Variants in GALNTL6 observed in about 807,000 individuals in gnomAD.
GALNTL6 encodes polypeptide N-acetylgalactosaminyltransferase like 6.
A neutral mutation model predicts 73.7 loss-of-function variants in GALNTL6; 46 were observed. The observed-to-expected ratio is 0.62, with a 90% confidence interval of 0.49 to 0.80. GALNTL6 has a LOEUF of 0.80. Ranked by LOEUF, GALNTL6 falls within the 30% of genes least tolerant of loss-of-function variation. The pLI is 0.00. For synonymous variants in GALNTL6, 259 were observed against 263.7 expected (o/e 0.98, Z 0.17); for missense variants, 604 against 755.0 (o/e 0.80, Z 2.34).
chr4:172,206,650 G>A (rs1465771946), intron 2 of GALNTL6, among the ~76,000 whole-genome samples: 2 of 151,910 alleles, frequency 1.3e-5, no homozygotes, highest in Non-Finnish European at 2.9e-5. Flanking sequence ...TGAATGATGA[G>A]AAAGAGACCG....
chr4:172,042,006 C>A (rs1285586515), intron 2 of GALNTL6, among the ~76,000 whole-genome samples: 1 of 152,020 alleles, frequency 6.6e-6, no homozygotes, highest in African/African-American at 2.4e-5. Context: ...AGACTGACCT[C>A]TTGGAAAGCC....
intron 5 of GALNTL6, among the ~76,000 whole-genome samples, chr4:172,673,911 G>A (rs191589238): frequency 4.7e-4 from 71 of 152,222 alleles, no homozygotes; most frequent in African/African-American, 1.6e-3. Context: ...AATGGGTCTT[G>A]GTTCTTTAGC....
intron 5 of GALNTL6, among the ~76,000 whole-genome samples, chr4:172,724,658 A>G (rs535999350): frequency 6.6e-6 from 1 of 152,342 alleles, no homozygotes; most frequent in Non-Finnish European, 1.5e-5. Context: ...TTGTATAAAA[A>G]TTAATTAAAA....
At chr4:172,895,427 G>A (rs1309011456) in intron 8 of GALNTL6, among the ~76,000 whole-genome samples, 1 of 148,972 alleles carries the variant, frequency 6.7e-6, no homozygotes, top group Non-Finnish European at 1.5e-5. Context: ...TCAGCACTCT[G>A]AATCTATGGT....
chr4:172,831,157 C>CAAAAAAAAAAAAAAAAAAAAAAAAAAA (rs60870698), intron 7 of GALNTL6, among the ~76,000 whole-genome samples: 2 of 63,882 alleles, frequency 3.1e-5, no homozygotes, highest in Non-Finnish European at 5.6e-5. Flanking sequence ...GACTCCCTCT[C>CAAAAAAAAAAAAAAAAAAAAAAAAAAA]AAAAAAAAAA....
intron 2 of GALNTL6, among the ~76,000 whole-genome samples, chr4:171,855,607 A>C (rs1482378795): frequency 6.6e-6 from 1 of 152,210 alleles, no homozygotes; most frequent in Admixed American, 6.5e-5. Flanking sequence ...TATATATGTA[A>C]GTTTTTAACT....
chr4:172,108,204 A>C (rs1732742262), intron 2 of GALNTL6, among the ~76,000 whole-genome samples: 1 of 152,188 alleles, frequency 6.6e-6, no homozygotes, highest in Non-Finnish European at 1.5e-5. Flanking sequence ...GTGTCATTGC[A>C]ACCATCACTG....
chr4:172,150,891 GA>G, intron 2 of GALNTL6, among the ~76,000 whole-genome samples: 1 of 152,312 alleles, frequency 6.6e-6, no homozygotes, highest in East Asian at 1.9e-4. Flanking sequence ...GTTAAGAAAA[GA>G]AGTTGCAGTT....
At chr4:172,667,165 T>G (rs948158525) in intron 5 of GALNTL6, 1 of 152,284 alleles carries the variant, frequency 6.6e-6, no homozygotes, top group East Asian at 1.9e-4. Flanking sequence ...TGTGGGGTAG[T>G]GGAGCGACTC....
At chr4:172,616,720 A>G (rs1035479124) in intron 5 of GALNTL6, among the ~76,000 whole-genome samples, 2 of 152,112 alleles carry the variant, frequency 1.3e-5, no homozygotes, top group African/African-American at 2.4e-5. Flanking sequence ...CAAGCCAAAC[A>G]TGATCTCCAA....
intron 10 of GALNTL6, among the ~76,000 whole-genome samples, chr4:172,977,181 C>T (rs1750852985): frequency 1.3e-5 from 2 of 152,158 alleles, no homozygotes; most frequent in South Asian, 2.1e-4. Flanking sequence ...TTCACATTAT[C>T]AGGGAGGCCA....
chr4:172,236,575 T>A (rs1416717804), intron 3 of GALNTL6, among the ~76,000 whole-genome samples: 71 of 112,022 alleles, frequency 6.3e-4, no homozygotes, highest in Non-Finnish European at 1.0e-3. Context: ...AAAAAAAAAG[T>A]ATATTAGCAT....
intron 5 of GALNTL6, among the ~76,000 whole-genome samples, chr4:172,521,852 T>C (rs1734784111): frequency 6.6e-6 from 1 of 152,180 alleles, no homozygotes; most frequent in Non-Finnish European, 1.5e-5. Flanking sequence ...CAGTCAAATG[T>C]AATAGGAGAT....
intron 3 of GALNTL6, among the ~76,000 whole-genome samples, chr4:172,257,325 C>T (rs532295844): frequency 2.4e-4 from 37 of 151,372 alleles, no homozygotes; most frequent in Admixed American, 5.9e-4. Flanking sequence ...GAAAAATCTA[C>T]GGTCCTACTC....
intron 3 of GALNTL6, among the ~76,000 whole-genome samples, chr4:172,295,763 T>A (rs1739651727): frequency 6.6e-6 from 1 of 151,632 alleles, no homozygotes; most frequent in Admixed American, 6.6e-5. Flanking sequence ...CCACCACCAT[T>A]AACACTACCA....
intron 5 of GALNTL6, among the ~76,000 whole-genome samples, chr4:172,598,384 C>T (rs1057432998): frequency 6.6e-6 from 1 of 152,028 alleles, no homozygotes; most frequent in African/African-American, 2.4e-5. Flanking sequence ...TCATTCATAA[C>T]AGCAAAATAT....
chr4:172,475,976 T>G (rs1265839859), intron 5 of GALNTL6, among the ~76,000 whole-genome samples: 1 of 152,184 alleles, frequency 6.6e-6, no homozygotes, highest in East Asian at 1.9e-4. Flanking sequence ...GCCATAATAA[T>G]TTTTTTAGTG....
chr4:171,957,701 G>A (rs1036216406), intron 2 of GALNTL6, among the ~76,000 whole-genome samples: 1 of 152,048 alleles, frequency 6.6e-6, no homozygotes, highest in Admixed American at 6.6e-5. Flanking sequence ...CCCTTCATTA[G>A]CTAACACTGA....
At chr4:172,609,619 C>CTGTGTGTG (rs1288655348) in intron 5 of GALNTL6, among the ~76,000 whole-genome samples, 1 of 52,292 alleles carries the variant, frequency 1.9e-5, no homozygotes, top group East Asian at 7.0e-4. Context: ...CTCTCTCTCT[C>CTGTGTGTG]TCTCTCTGTG....
Sources: allele counts gnomAD v4.1 joint callset (sites outside exome capture counted in the v4.1 genomes callset), GRCh38; gene constraint gnomAD v4.1.1; transcripts MANE v1.5; gene names NCBI Gene and HGNC (gene_info 2026-07-23, HGNC 2026-07-21).